EXOC6B: variants seen among roughly 807,000 people sequenced by gnomAD.
The protein encoded by EXOC6B is SEC15 homolog B.
A neutral mutation model predicts 113.5 loss-of-function variants in EXOC6B; 54 were observed. The observed-to-expected ratio is 0.48, with a 90% CI of 0.38 to 0.60. EXOC6B has a LOEUF of 0.60. Ranked by LOEUF, EXOC6B falls within the 20% of genes least tolerant of loss-of-function variation. The pLI, the probability that EXOC6B is intolerant of heterozygous loss-of-function variation, is 0.00. For synonymous variants in EXOC6B, 357 were observed against 339.0 expected, an observed-to-expected ratio of 1.05 and a Z score of -0.58; for missense variants, 797 against 977.5, an observed-to-expected ratio of 0.82 and a Z score of 2.46.
intron 6 of EXOC6B, among the ~76,000 whole-genome samples, chr2:72,658,249 A>G (rs1206946416): frequency 6.7e-6 from 1 of 148,204 alleles, no homozygotes; most frequent in African/African-American, 2.5e-5. Context: ...ATAATTACAT[A>G]CTATATAAAA....
chr2:72,623,225 G>T (rs1671852798), intron 6 of EXOC6B, among the ~76,000 whole-genome samples: 1 of 151,722 alleles, frequency 6.6e-6, no homozygotes, highest in Non-Finnish European at 1.5e-5. Flanking sequence ...TCTACAGTGG[G>T]GTGTTCTCTT....
intron 6 of EXOC6B, among the ~76,000 whole-genome samples, chr2:72,648,461 C>T (rs921324970): frequency 6.6e-6 from 1 of 152,170 alleles, no homozygotes; most frequent in Non-Finnish European, 1.5e-5. Context: ...AATCATGCTG[C>T]TATAAAGACA....
At chr2:72,425,222 C>T (rs1695136464) in intron 18 of EXOC6B, among the ~76,000 whole-genome samples, 1 of 152,124 alleles carries the variant, frequency 6.6e-6, no homozygotes, top group African/African-American at 2.4e-5. Context: ...GAAATTTCCC[C>T]TTCTTCCCCT....
chr2:72,291,109 A>G (rs1372253594), intron 20 of EXOC6B, among the ~76,000 whole-genome samples: 2 of 152,214 alleles, frequency 1.3e-5, no homozygotes, highest in African/African-American at 4.8e-5. Context: ...TATAATTTCT[A>G]TCCCCAGCTT....
chr2:72,674,775 G>C (rs1387685417), intron 6 of EXOC6B, among the ~76,000 whole-genome samples: 1 of 151,988 alleles, frequency 6.6e-6, no homozygotes, highest in Non-Finnish European at 1.5e-5. Flanking sequence ...CTCCAGCCTG[G>C]GCGACAGTGT....
chr2:72,687,723 C>A (rs1677189769), intron 6 of EXOC6B, among the ~76,000 whole-genome samples: 1 of 152,188 alleles, frequency 6.6e-6, no homozygotes, highest in Non-Finnish European at 1.5e-5. Flanking sequence ...TCACCTTTCT[C>A]ACTTCATCTT....
At chr2:72,210,611 A>C (rs1013962508) in intron 20 of EXOC6B, among the ~76,000 whole-genome samples, 1 of 152,218 alleles carries the variant, frequency 6.6e-6, no homozygotes, top group Non-Finnish European at 1.5e-5. Context: ...AGGGCCCCTG[A>C]GTCATTACAA....
chr2:72,662,970 C>T (rs1206667752), intron 6 of EXOC6B, among the ~76,000 whole-genome samples: 1 of 152,166 alleles, frequency 6.6e-6, no homozygotes, highest in Admixed American at 6.5e-5. Context: ...CTGCCCACCT[C>T]AGCCTCCCAA....
In EXOC6B at chr2:72,250,758, T is replaced by TA. The variant is rs529424760; in HGVS notation, c.2197-66572dup. Among the ~76,000 whole-genome samples the TA allele has an allele frequency of 4.9e-3, 731 of 148,832 alleles. 8 individuals carry two copies. Among genetic ancestry groups the TA allele is most frequent in the African/African-American group, 0.014 (585 of 40,724 alleles). On this transcript the variant is annotated intron_variant, in intron 20 of 21. Coordinates refer to ENST00000272427, the MANE Select transcript of EXOC6B (RefSeq NM_015189.3). ...TACAGTTCCTCTTACTCATCACTTG[T>TA]AAAAAAAAAACCTCAATTTCAATTT...
At chr2:72,240,906 A>G (rs1327792097) in intron 20 of EXOC6B, among the ~76,000 whole-genome samples, 2 of 152,196 alleles carry the variant, frequency 1.3e-5, no homozygotes, top group African/African-American at 4.8e-5. Context: ...AGGGCAAATC[A>G]CTGCCTCAAA....
chr2:72,404,755 G>A (rs565478288), intron 18 of EXOC6B, among the ~76,000 whole-genome samples: 132 of 152,182 alleles, frequency 8.7e-4, no homozygotes, highest in Middle Eastern at 6.8e-3. Context: ...ACAAAGATGC[G>A]GAAAAAACAG....
At chr2:72,421,051 G>A (rs1694840319) in intron 18 of EXOC6B, among the ~76,000 whole-genome samples, 1 of 152,098 alleles carries the variant, frequency 6.6e-6, no homozygotes, top group Non-Finnish European at 1.5e-5. Context: ...AGAAGTGTCT[G>A]TTCATATCCT....
intron 20 of EXOC6B, among the ~76,000 whole-genome samples, chr2:72,307,161 G>GTTTTTGTTTTTTTTTTTTTT (rs758906963): frequency 0.045 from 5,702 of 126,360 alleles, 503 homozygotes; most frequent in African/African-American, 0.079. Flanking sequence ...GTATAGTCCA[G>GTTTTTGTTTTTTTTTTTTTT]TTTTTTTTTT....
chr2:72,752,651 C>T (rs894564224), intron 1 of EXOC6B, among the ~76,000 whole-genome samples: 1 of 151,716 alleles, frequency 6.6e-6, no homozygotes, highest in African/African-American at 2.4e-5. Context: ...TACTTACTGC[C>T]TCCATTTCCT....
chr2:72,770,297 T>C (rs565334569), intron 1 of EXOC6B, among the ~76,000 whole-genome samples: 1 of 141,904 alleles, frequency 7.0e-6, no homozygotes, highest in African/African-American at 2.9e-5. Flanking sequence ...TAGAATAAAC[T>C]AGTCAACTAT....
At chr2:72,368,920 C>A (rs1033285490) in intron 19 of EXOC6B, among the ~76,000 whole-genome samples, 5 of 152,124 alleles carry the variant, frequency 3.3e-5, no homozygotes, top group African/African-American at 1.2e-4. Context: ...ACTGAATGGG[C>A]AAAAACTGGA....
At chr2:72,596,553 C>T (rs1670086195) in intron 6 of EXOC6B, among the ~76,000 whole-genome samples, 1 of 151,870 alleles carries the variant, frequency 6.6e-6, no homozygotes, top group Non-Finnish European at 1.5e-5. Context: ...TCTAGTCTTC[C>T]TTTCTTACAT....
intron 7 of EXOC6B, among the ~76,000 whole-genome samples, chr2:72,571,492 CA>C (rs958965288): frequency 6.6e-6 from 1 of 150,580 alleles, no homozygotes; most frequent in Non-Finnish European, 1.5e-5. Flanking sequence ...TTTTTTAAAA[CA>C]AAAAAAACCT....
At chr2:72,212,741 A>G (rs1680272785) in intron 20 of EXOC6B, among the ~76,000 whole-genome samples, 1 of 152,236 alleles carries the variant, frequency 6.6e-6, no homozygotes, top group African/African-American at 2.4e-5. Flanking sequence ...TATCTCCACT[A>G]TAAAGTGAAC....
Sources: allele counts gnomAD v4.1 joint callset (sites outside exome capture counted in the v4.1 genomes callset), GRCh38; gene constraint gnomAD v4.1.1; transcripts MANE v1.5; gene names NCBI Gene and HGNC (gene_info 2026-07-23, HGNC 2026-07-21).